The following GRM7 variants were observed in gnomAD, a reference collection of about 807,000 sequenced individuals.
GRM7 encodes glutamate metabotropic receptor 7.
Under a neutral mutation model 84.5 loss-of-function variants are expected in GRM7, and 35 were observed. That is an observed-to-expected ratio of 0.41 (90% CI 0.32 to 0.55). The LOEUF (loss-of-function observed/expected upper bound fraction) is 0.55. Among genes scored for constraint, GRM7 ranks in the 20% least tolerant of loss-of-function variants. The pLI, the probability that GRM7 is intolerant of heterozygous loss-of-function variation, is 0.19. For synonymous variants in GRM7, 487 were observed against 455.1 expected, an observed-to-expected ratio of 1.07 and a Z score of -0.89; for missense variants, 1,003 against 1,194.6, an observed-to-expected ratio of 0.84 and a Z score of 2.36.
intron 1 of GRM7, among the ~76,000 whole-genome samples, chr3:7,003,539 C>T (rs928272071): frequency 2.0e-5 from 3 of 152,120 alleles, no homozygotes; most frequent in Non-Finnish European, 4.4e-5. Flanking sequence ...TGAGATGCTG[C>T]TGGTCTACAT....
intron 1 of GRM7, among the ~76,000 whole-genome samples, chr3:7,130,559 A>AG (rs1378129759): frequency 4.6e-5 from 2 of 43,414 alleles, no homozygotes; most frequent in Admixed American, 1.4e-4. Flanking sequence ...AAAAAAGAAA[A>AG]GAAAAAAAAA....
intron 1 of GRM7, among the ~76,000 whole-genome samples, chr3:7,074,169 A>G (rs1440783576): frequency 6.6e-6 from 1 of 152,202 alleles, no homozygotes; most frequent in Non-Finnish European, 1.5e-5. Context: ...GTGTTGTCTC[A>G]CTCAGTCCTC....
chr3:7,572,823 AATATATATATATATATATAT>A (rs1158871205), intron 7 of GRM7, among the ~76,000 whole-genome samples: 173 of 12,454 alleles, frequency 0.014, 2 homozygotes, highest in Admixed American at 0.023. Context: ...CTCTATCTCA[AATATATATATATATATATAT>A]ATATATATAT....
At chr3:7,710,718 G>T (rs1701551206) in intron 9 of GRM7, among the ~76,000 whole-genome samples, 1 of 152,156 alleles carries the variant, frequency 6.6e-6, no homozygotes, top group Non-Finnish European at 1.5e-5. Flanking sequence ...TTCCTTCACT[G>T]TGTAGAATAT....
At chr3:7,221,339 T>C (rs1392335597) in intron 2 of GRM7, among the ~76,000 whole-genome samples, 3 of 152,196 alleles carry the variant, frequency 2.0e-5, no homozygotes, top group Admixed American at 1.3e-4. Flanking sequence ...GTTGAGCAGC[T>C]GTTCAGATAT....
At chr3:7,059,133 G>T (rs1436027871) in intron 1 of GRM7, among the ~76,000 whole-genome samples, 1 of 151,708 alleles carries the variant, frequency 6.6e-6, no homozygotes, top group Admixed American at 6.6e-5. Flanking sequence ...GGGGAGGAAA[G>T]TCTTTGAAGA....
intron 8 of GRM7, among the ~76,000 whole-genome samples, chr3:7,618,819 T>C (rs1201256435): frequency 6.6e-6 from 1 of 151,962 alleles, no homozygotes; most frequent in Non-Finnish European, 1.5e-5. Flanking sequence ...TGCTTCCTGA[T>C]GATAATACAG....
At chr3:7,460,126 A>T (rs1410903726) in intron 6 of GRM7, among the ~76,000 whole-genome samples, 2 of 149,916 alleles carry the variant, frequency 1.3e-5, no homozygotes, top group Admixed American at 6.6e-5. Flanking sequence ...AAAAAAAAAA[A>T]AAAGATGCCA....
intron 4 of GRM7, among the ~76,000 whole-genome samples, chr3:7,380,302 G>C (rs1694533707): frequency 6.6e-6 from 1 of 152,188 alleles, no homozygotes; most frequent in African/African-American, 2.4e-5. Flanking sequence ...AAGGCAATGA[G>C]ATTAATTTAG....
intron 4 of GRM7, among the ~76,000 whole-genome samples, chr3:7,388,331 G>A (rs569243808): frequency 1.7e-4 from 26 of 152,008 alleles, no homozygotes; most frequent in African/African-American, 5.8e-4. Flanking sequence ...ATGTGCTGCT[G>A]GGTTCAGTTT....
In GRM7 at chr3:7,505,192, G is replaced by A. The variant is rs139889494; in HGVS notation, c.1515+43470G>A. On this transcript the variant is annotated intron_variant, in intron 7 of 9. Transcript: ENST00000357716. ...ATTTTTCACTCTGTGTTGCCTCCAG[G>A]ACACAGTGGGGATTTGGACCCCCTC... Among the ~76,000 whole-genome samples, 318 of 152,314 alleles carry A rather than the reference G, an allele frequency of 2.1e-3. 2 individuals carry two copies. Among genetic ancestry groups the A allele is most frequent in the Middle Eastern group, 3.4e-3 (1 of 294 alleles).
intron 1 of GRM7, among the ~76,000 whole-genome samples, chr3:7,027,742 C>A (rs1696031414): frequency 1.3e-5 from 2 of 152,192 alleles, no homozygotes; most frequent in African/African-American, 4.8e-5. Context: ...TAGCCTCCCT[C>A]ACCTGAGACT....
intron 9 of GRM7, among the ~76,000 whole-genome samples, chr3:7,709,390 G>C (rs1399462268): frequency 6.6e-6 from 1 of 152,192 alleles, no homozygotes; most frequent in Non-Finnish European, 1.5e-5. Flanking sequence ...AAAGAGCCCA[G>C]CATCTTCTGG....
At chr3:7,535,670 T>C (rs1268409996) in intron 7 of GRM7, among the ~76,000 whole-genome samples, 1 of 152,248 alleles carries the variant, frequency 6.6e-6, no homozygotes, top group Non-Finnish European at 1.5e-5. Flanking sequence ...AGCTGGACTC[T>C]TTACTCTTCA....
In GRM7 at chr3:6,861,523, C is replaced by T. The variant is rs777650041; in HGVS notation, c.135C>T (p.Ile45=). Residue 45 remains isoleucine (I), a synonymous_variant, in exon 1 of 10, where the codon ATC becomes ATT. Transcript: ENST00000357716. The surrounding 1 kb of genome is among the most constrained non-coding windows in gnomAD (Gnocchi z 6.4). ...TGTACGCCCCGCACTCAATCCGGAT[C>T]GAGGGGGACGTCACCCTCGGGGGGC... ...QEMYAPHSIR[I]EGDVTLGGLF... 6.3e-7 allele frequency: 1 copy of T among 1,577,162 alleles called. No individual in the cohort carries two copies. Among genetic ancestry groups the T allele is most frequent in the Non-Finnish European group, 8.6e-7 (1 of 1,162,674 alleles).
rs182743169 is a variant in GRM7, at chr3:6,920,253, A to G, written c.519+58346A>G. ...ATAAATTTTTATCAATCCCTAAATTAACAAAAATGATGATTGATGGGCCAG... is the reference window on the plus strand; with the variant it reads ...ATAAATTTTTATCAATCCCTAAATTGACAAAAATGATGATTGATGGGCCAG... On this transcript the variant is annotated intron_variant, in intron 1 of 9. Transcript: ENST00000357716. 1.8e-3 allele frequency among the ~76,000 whole-genome samples: 268 copies of G among 152,274 alleles called. 1 individual carries two copies. Among genetic ancestry groups the G allele is most frequent in the African/African-American group, 6.3e-3 (262 of 41,558 alleles).
At chr3:7,099,924 T>TTA (rs112239894) in intron 1 of GRM7, among the ~76,000 whole-genome samples, 27,081 of 71,178 alleles carry the variant, frequency 0.38, 8,424 homozygotes, top group African/African-American at 0.7. Flanking sequence ...TATTAATATA[T>TTA]TATATATATT....
chr3:7,606,563 T>G (rs1475989171), intron 8 of GRM7, among the ~76,000 whole-genome samples: 1 of 152,162 alleles, frequency 6.6e-6, no homozygotes, highest in African/African-American at 2.4e-5. Flanking sequence ...ACAAGGTCTC[T>G]CTTTGTCACC....
At chr3:7,636,842 C>T (rs1483333100) in intron 8 of GRM7, among the ~76,000 whole-genome samples, 7 of 152,168 alleles carry the variant, frequency 4.6e-5, no homozygotes, top group Non-Finnish European at 8.8e-5. Flanking sequence ...CAAGCCCCAT[C>T]TCGTGTTGCA....
Sources: allele counts gnomAD v4.1 joint callset (sites outside exome capture counted in the v4.1 genomes callset), GRCh38; gene constraint gnomAD v4.1.1; non-coding constraint Gnocchi (gnomAD v3.1); transcripts MANE v1.5; gene names NCBI Gene and HGNC (gene_info 2026-07-23, HGNC 2026-07-21).